UBR1: variants seen among roughly 807,000 people sequenced by gnomAD.
UBR1 encodes E3 ubiquitin-protein ligase UBR1.
UBR1 carries 102 observed loss-of-function variants against 242.1 expected under a neutral mutation model. The ratio of observed to expected loss-of-function variants is 0.42; its 90% CI spans 0.36 to 0.50. UBR1 has a LOEUF of 0.50. Among genes scored for constraint, UBR1 ranks in the 20% least tolerant of loss-of-function variants. The probability of loss-of-function intolerance (pLI) is 0.01; values close to 1 mark genes in which losing one functional copy is unlikely to be tolerated. For synonymous variants in UBR1, 675 were observed against 684.8 expected (o/e 0.99, Z 0.22); for missense variants, 1,772 against 2,101.8 (o/e 0.84, Z 3.07).
intron 10 of UBR1, among the ~76,000 whole-genome samples, chr15:43,057,464 C>T (rs1040154386): frequency 6.6e-6 from 1 of 152,058 alleles, no homozygotes; most frequent in African/African-American, 2.4e-5. Flanking sequence ...AGTATGATTG[C>T]CTTATATAAG....
rs1432080674 is a variant in UBR1, at chr15:42,988,872, G to A, written c.3944C>T (p.Pro1315Leu). The A allele has an allele frequency of 6.2e-7, 1 of 1,614,124 alleles. No individual in the cohort carries two copies. Among genetic ancestry groups the A allele is most frequent in the South Asian group, 1.1e-5 (1 of 91,076 alleles). The part of the protein sequence containing the change: ...GLKVPPDERD[P>L]RVPMLTWSTC... ...GCTCCAGGTCAGCATGGGGACTCGA[G>A]GATCCCTTTCATCAGGTGGCACTTT... Residue 1315 changes from proline to leucine, a missense_variant, in exon 35 of 47, where the codon CCT becomes CTT. Physicochemically the swap from Pro to Leu is moderately conservative, Grantham distance 98. This residue lies in a region of UBR1 where 965 missense variants were observed against 1,079.7 expected (regional missense o/e 0.89). Coordinates refer to ENST00000290650, the MANE Select transcript of UBR1 (RefSeq NM_174916.3).
intron 42 of UBR1, among the ~76,000 whole-genome samples, chr15:42,962,962 G>C (rs2032047271): frequency 6.6e-6 from 1 of 152,166 alleles, no homozygotes; most frequent in Non-Finnish European, 1.5e-5. Flanking sequence ...GGAGGGTCTG[G>C]AAAGATACAG....
chr15:43,017,219 G>C lies in UBR1; in HGVS notation c.2941-38C>G, dbSNP rs574531310. The C allele has an allele frequency of 1.5e-4, 217 of 1,414,800 alleles. 4 individuals carry two copies. The South Asian group carries it at 2.4e-3, about 16-fold the overall frequency. 87.6% of individuals were successfully genotyped at this position (1,414,800 alleles called of 1,614,324 possible). A position where few individuals can be genotyped will look rare whatever the true frequency, so the allele number is the denominator to read the frequency against. ...GATGAAACGTTAAAAGAGTTAGTTA[G>C]ACTGTTAGACCGACCAGGAACAGAA... is the stretch of plus-strand genomic sequence containing the variant. On this transcript the variant is annotated intron_variant, in intron 27 of 46. Coordinates refer to ENST00000290650, the MANE Select transcript of UBR1 (RefSeq NM_174916.3).
At chr15:42,983,707 A>T (rs2032416658) in intron 37 of UBR1, among the ~76,000 whole-genome samples, 190 bp downstream of exon 37, 1 of 99,572 alleles carries the variant, frequency 1.0e-5, no homozygotes, top group Non-Finnish European at 2.4e-5. Flanking sequence ...ATAATATCAC[A>T]AGTTTTACAG....
At chr15:43,036,686 T>C (rs2033340813) in intron 17 of UBR1, 93 bp from the exon 18 acceptor site, 5 of 854,960 alleles carry the variant, frequency 5.8e-6, no homozygotes, top group Middle Eastern at 2.3e-4. Flanking sequence ...TTCTCTAAGC[T>C]AGAAACCCCT....
intron 29 of UBR1, among the ~76,000 whole-genome samples, chr15:43,013,167 AG>A (rs1250532637): frequency 1.3e-5 from 2 of 152,202 alleles, no homozygotes; most frequent in Non-Finnish European, 2.9e-5. Context: ...GGCCTCCCAA[AG>A]TGCTGGGATT....
intron 1 of UBR1, among the ~76,000 whole-genome samples, chr15:43,087,127 C>T (rs531251691): frequency 5.9e-5 from 9 of 152,212 alleles, no homozygotes; most frequent in African/African-American, 2.2e-4. Flanking sequence ...AGAATCGGGC[C>T]GGGCGCGGTG....
At chr15:43,090,553 C>G (rs952916787) in intron 1 of UBR1, among the ~76,000 whole-genome samples, 15 of 151,880 alleles carry the variant, frequency 9.9e-5, no homozygotes, top group African/African-American at 3.4e-4. Context: ...CTACAACTAA[C>G]ATAGAGATAA....
chr15:42,970,315 C>T (rs1207267566), intron 40 of UBR1, among the ~76,000 whole-genome samples: 1 of 152,176 alleles, frequency 6.6e-6, no homozygotes, highest in Admixed American at 6.6e-5. Context: ...AACTACACCC[C>T]TTCCTTACAC....
intron 46 of UBR1, among the ~76,000 whole-genome samples, chr15:42,946,721 C>T (rs1258177311): frequency 6.6e-6 from 1 of 152,204 alleles, no homozygotes; most frequent in African/African-American, 2.4e-5. Flanking sequence ...TTTGAGATCA[C>T]TGTCAGTCTC....
chr15:43,014,931 G>T (rs1208787108), intron 29 of UBR1, among the ~76,000 whole-genome samples: 1 of 149,826 alleles, frequency 6.7e-6, no homozygotes, highest in African/African-American at 2.5e-5. Flanking sequence ...GGGAGGTGTG[G>T]GTCAGCCCCC....
At chr15:43,059,259 C>T in intron 8 of UBR1, 67 bp from the exon 9 acceptor site, 1 of 1,425,470 alleles carries the variant, frequency 7.0e-7, no homozygotes, top group South Asian at 1.2e-5. Context: ...AGAGATGAGT[C>T]TCACTCTGTT....
At chr15:43,104,969 A>C (rs1329928150) in intron 1 of UBR1, among the ~76,000 whole-genome samples, 2 of 152,168 alleles carry the variant, frequency 1.3e-5, no homozygotes, top group African/African-American at 4.8e-5. Flanking sequence ...GGAAGGTTGC[A>C]GTGAGCCGAG....
intron 41 of UBR1, among the ~76,000 whole-genome samples, chr15:42,964,638 T>C (rs2032076411): frequency 6.6e-6 from 1 of 152,210 alleles, no homozygotes; most frequent in Non-Finnish European, 1.5e-5. Context: ...CCAAAGGTCC[T>C]GTGTGAGCTG....
chr15:43,082,659 A>C lies in UBR1; in HGVS notation c.396T>G (p.Val132=), dbSNP rs758196874. 2.5e-6 allele frequency: 4 copies of C among 1,613,682 alleles called. No individual in the cohort carries two copies. The Admixed American group carries it at 6.7e-5, about 27-fold the overall frequency. ...TTACCTTGTAACGATGATTTTTATG[A>C]ACACTGTCCTGGAAGCAGTCCATAC... ...VLCMDCFQDS[V]HKNHRYKMHT... is the part of the protein sequence containing the mutation. Residue 132 remains valine (V), a synonymous_variant, in exon 3 of 47, where the codon GTT becomes GTG. Coordinates refer to ENST00000290650, the MANE Select transcript of UBR1 (RefSeq NM_174916.3).
At chr15:43,059,669 A>G (rs755883751) in intron 8 of UBR1, 33 bp downstream of exon 8, 7 of 1,612,562 alleles carry the variant, frequency 4.3e-6, no homozygotes, top group Non-Finnish European at 5.9e-6. Flanking sequence ...ATAGTATTTT[A>G]TCAGAAACAA....
At chr15:43,027,881 C>A in intron 21 of UBR1, 53 bp from the exon 22 acceptor site, 1 of 1,380,016 alleles carries the variant, frequency 7.2e-7, no homozygotes, top group Non-Finnish European at 1.0e-6. Flanking sequence ...ACTTCCACCT[C>A]TCTGTGAAGT....
At chr15:43,029,874 T>A (rs1245503647) in intron 21 of UBR1, 70 bp downstream of exon 21, 12 of 1,593,200 alleles carry the variant, frequency 7.5e-6, no homozygotes, top group Non-Finnish European at 9.5e-6. Flanking sequence ...TGAAGTAGTT[T>A]CCAATTAAAG....
rs184102467 is a variant in UBR1, at chr15:43,047,951, C to G, written c.1539+441G>C. ...GTAGGCCGGGCATGGCAGCTCACAC[C>G]TGTAATCCCAGCACCTTGGGAGGTC... On this transcript the variant is annotated intron_variant, in intron 13 of 46. Transcript: ENST00000290650. 7.6e-4 allele frequency among the ~76,000 whole-genome samples: 116 copies of G among 152,264 alleles called. 1 individual carries two copies. The highest frequency in any genetic ancestry group is 2.6e-3 in the African/African-American group (110 of 41,546).
Sources: allele counts gnomAD v4.1 joint callset (sites outside exome capture counted in the v4.1 genomes callset), GRCh38; gene constraint gnomAD v4.1.1; regional missense constraint gnomAD v4.1.1; transcripts MANE v1.5; gene names NCBI Gene and HGNC (gene_info 2026-07-23, HGNC 2026-07-21).